CEP128: variants seen among roughly 807,000 people sequenced by gnomAD.
The protein encoded by CEP128 is centrosomal protein 128kDa.
Under a neutral mutation model 156.7 loss-of-function variants are expected in CEP128, and 132 were observed. The ratio of observed to expected loss-of-function variants is 0.84; its 90% confidence interval spans 0.73 to 0.97. CEP128 has a LOEUF of 0.97. CEP128 is among the 50% of genes least tolerant of loss of function. CEP128 has a pLI of 0.00. For missense variants in CEP128, 1,252 were observed against 1,281.9 expected (o/e 0.98, Z 0.36); for synonymous variants, 469 against 448.9 (o/e 1.04, Z -0.57).
At chr14:80,865,770 G>T (rs527524976) in intron 8 of CEP128, among the ~76,000 whole-genome samples, 2 of 152,002 alleles carry the variant, frequency 1.3e-5, no homozygotes, top group African/African-American at 4.8e-5. Flanking sequence ...GATGCTCTAC[G>T]GAGACGCCAC....
chr14:80,657,469 G>A (rs1895224244), intron 19 of CEP128, among the ~76,000 whole-genome samples: 4 of 151,770 alleles, frequency 2.6e-5, no homozygotes, highest in African/African-American at 9.7e-5. Flanking sequence ...TGGTCAACAT[G>A]GCGAAACTCT....
intron 19 of CEP128, among the ~76,000 whole-genome samples, chr14:80,602,874 T>C (rs1233341375): frequency 6.6e-6 from 1 of 151,730 alleles, no homozygotes; most frequent in Non-Finnish European, 1.5e-5. Context: ...AGAAGGAAAT[T>C]TGGGGAATTC....
chr14:80,877,331 A>AC (rs1283954456), intron 8 of CEP128, among the ~76,000 whole-genome samples: 1 of 152,220 alleles, frequency 6.6e-6, no homozygotes, highest in Non-Finnish European at 1.5e-5. Context: ...CATTTACATT[A>AC]AATGTAATAC....
At chr14:80,774,407 T>C (rs986586332) in intron 16 of CEP128, among the ~76,000 whole-genome samples, 2 of 152,212 alleles carry the variant, frequency 1.3e-5, no homozygotes, top group African/African-American at 4.8e-5. Context: ...CTTTTGATTG[T>C]AGCAGAGCTG....
intron 18 of CEP128, among the ~76,000 whole-genome samples, chr14:80,750,408 T>A (rs1185849342): frequency 1.3e-5 from 2 of 150,330 alleles, no homozygotes; most frequent in Admixed American, 6.6e-5. Flanking sequence ...CTTTTTTTTT[T>A]ATCAGATCTT....
At chr14:80,635,416 A>C (rs892410550) in intron 19 of CEP128, among the ~76,000 whole-genome samples, 8 of 152,142 alleles carry the variant, frequency 5.3e-5, no homozygotes, top group Admixed American at 6.5e-5. Flanking sequence ...AGAACAAAAA[A>C]ACCCCCAAAT....
intron 13 of CEP128, among the ~76,000 whole-genome samples, chr14:80,800,540 A>C (rs1883780478): frequency 1.3e-5 from 2 of 152,198 alleles, no homozygotes; most frequent in African/African-American, 4.8e-5. Flanking sequence ...ATTCCACTTC[A>C]CTATGATAAT....
intron 17 of CEP128, among the ~76,000 whole-genome samples, chr14:80,760,424 G>GA (rs1482967579): frequency 6.6e-6 from 1 of 151,510 alleles, no homozygotes; most frequent in Non-Finnish European, 1.5e-5. Flanking sequence ...ATTTAAGATA[G>GA]AAAAAAAGGC....
chr14:80,644,066 G>T (rs1403453113), intron 19 of CEP128, among the ~76,000 whole-genome samples: 1 of 152,148 alleles, frequency 6.6e-6, no homozygotes, highest in Non-Finnish European at 1.5e-5. Flanking sequence ...GAAGACAAAG[G>T]AAGAGAATAG....
intron 19 of CEP128, among the ~76,000 whole-genome samples, chr14:80,613,292 A>AAT (rs1893075034): frequency 4.6e-5 from 3 of 65,402 alleles, no homozygotes; most frequent in African/African-American, 1.9e-4. Flanking sequence ...AATGGAGAGC[A>AAT]TTTTTTTTTT....
intron 19 of CEP128, among the ~76,000 whole-genome samples, chr14:80,597,970 AC>A (rs67761709): frequency 4.3e-4 from 64 of 150,340 alleles, no homozygotes; most frequent in Middle Eastern, 3.5e-3. Context: ...AAAAAAAAAA[AC>A]AAAACCCTAT....
chr14:80,486,455 A>T (rs929037480), downstream of CEP128, among the ~76,000 whole-genome samples: 6 of 152,036 alleles, frequency 3.9e-5, no homozygotes, highest in Non-Finnish European at 7.4e-5. Context: ...GCAGGATATT[A>T]TCCAGGAGAA....
chr14:80,488,085 G>A (rs1012841731), downstream of CEP128, among the ~76,000 whole-genome samples: 5 of 147,440 alleles, frequency 3.4e-5, no homozygotes, highest in Non-Finnish European at 7.5e-5. Context: ...ATGAATCCAG[G>A]AGCTGGTTTT....
intron 21 of CEP128, among the ~76,000 whole-genome samples, chr14:80,547,278 C>T (rs1890025226): frequency 6.6e-6 from 1 of 152,182 alleles, no homozygotes; most frequent in African/African-American, 2.4e-5. Flanking sequence ...TGTCCATACC[C>T]TATTTCTTCT....
At chr14:80,896,958 C>A (rs901424921) in intron 7 of CEP128, among the ~76,000 whole-genome samples, 5 of 152,144 alleles carry the variant, frequency 3.3e-5, no homozygotes, top group African/African-American at 1.2e-4. Flanking sequence ...ATATCTTTAT[C>A]TTTCTATTTC....
chr14:80,748,962 G>A (rs957937732), intron 18 of CEP128, among the ~76,000 whole-genome samples: 4 of 152,090 alleles, frequency 2.6e-5, no homozygotes, highest in Admixed American at 6.5e-5. Context: ...CACCTGACTA[G>A]AGAGCCCTTG....
intron 13 of CEP128, among the ~76,000 whole-genome samples, chr14:80,810,900 G>A (rs778040318): frequency 2.0e-5 from 3 of 152,170 alleles, no homozygotes; most frequent in Non-Finnish European, 4.4e-5. Context: ...TAGGTATTAA[G>A]TTTAGCATGC....
intron 19 of CEP128, among the ~76,000 whole-genome samples, chr14:80,596,048 G>T (rs1250504705): frequency 1.0e-5 from 1 of 97,428 alleles, no homozygotes; most frequent in Admixed American, 1.2e-4. Context: ...AACCATATCA[G>T]CAGGGAAAAA....
intron 16 of CEP128, among the ~76,000 whole-genome samples, chr14:80,776,960 C>G (rs1900826561): frequency 6.6e-6 from 1 of 152,078 alleles, no homozygotes; most frequent in South Asian, 2.1e-4. Flanking sequence ...TGAAGTCACT[C>G]AATAATTTTA....
Sources: gnomAD v4.1 joint callset for allele counts (sites outside exome capture counted in the v4.1 genomes callset) on GRCh38, gnomAD v4.1.1 for gene constraint, MANE v1.5 for transcripts, NCBI Gene and HGNC (gene_info 2026-07-23, HGNC 2026-07-21) for gene names.